SLC12A2: variants seen among roughly 807,000 people sequenced by gnomAD.
SLC12A2 encodes the protein Na-K-2Cl cotransporter 1.
SLC12A2 carries 67 observed loss-of-function variants against 136.3 expected under a neutral mutation model. The observed-to-expected ratio is 0.49, with a 90% CI of 0.40 to 0.60. The LOEUF (loss-of-function observed/expected upper bound fraction) is 0.60. Ranked by LOEUF, SLC12A2 falls within the 20% of genes least tolerant of loss-of-function variation. The pLI, the probability that SLC12A2 is intolerant of heterozygous loss-of-function variation, is 0.00. For synonymous variants in SLC12A2, 619 were observed against 562.9 expected, an observed-to-expected ratio of 1.10 and a Z score of -1.41; for missense variants, 1,322 against 1,534.7, an observed-to-expected ratio of 0.86 and a Z score of 2.32.
At position 128,189,487 on chromosome 5, in the gene SLC12A2, T is replaced by C. The variant is rs977218278; in HGVS notation, c.*2856T>C. The C allele has an allele frequency of 3.3e-5, 5 of 152,624 alleles. No homozygotes were observed. The highest frequency in any genetic ancestry group is 1.5e-5 in the Non-Finnish European group (1 of 68,024). 9.5% of individuals were successfully genotyped at this position (152,624 alleles called of 1,614,324 possible). A position where few individuals can be genotyped will look rare whatever the true frequency, so the allele number is the denominator to read the frequency against. On this transcript the variant is annotated 3_prime_UTR_variant, in exon 27 of 27. Coordinates refer to ENST00000262461, the MANE Select transcript of SLC12A2 (RefSeq NM_001046.3). ...TCTGACATTACATATTTTTTAAGAC[T>C]ATGGAAATAATTTAAAGATTTAAGC...
chr5:128,140,350 A>G (rs1762322725), intron 9 of SLC12A2, among the ~76,000 whole-genome samples: 1 of 152,170 alleles, frequency 6.6e-6, no homozygotes, highest in Non-Finnish European at 1.5e-5. Flanking sequence ...TAGAATTCAC[A>G]CACAAATCTC....
At chr5:128,108,108 CT>C (rs1761013879) in intron 1 of SLC12A2, among the ~76,000 whole-genome samples, 1 of 151,792 alleles carries the variant, frequency 6.6e-6, no homozygotes, top group Non-Finnish European at 1.5e-5. Flanking sequence ...TTAATGGTTT[CT>C]GTGTTCATAC....
At chr5:128,097,874 G>A (rs1581054969) in intron 1 of SLC12A2, among the ~76,000 whole-genome samples, 1 of 152,154 alleles carries the variant, frequency 6.6e-6, no homozygotes, top group South Asian at 2.1e-4. Flanking sequence ...ATGGAGGTCA[G>A]TTGGCAACAA....
intron 15 of SLC12A2, among the ~76,000 whole-genome samples, chr5:128,156,282 T>G (rs952928360): frequency 6.6e-6 from 1 of 152,180 alleles, no homozygotes. Context: ...TGTCAAATCC[T>G]TTACTTTTCT....
At chr5:128,173,158 T>C (rs1763436559) in intron 19 of SLC12A2, among the ~76,000 whole-genome samples, 1 of 152,204 alleles carries the variant, frequency 6.6e-6, no homozygotes, top group East Asian at 1.9e-4. Flanking sequence ...TTTAAACTGT[T>C]TTAATCTTCC....
Position 128,123,685 on chromosome 5 carries a change from C to A in SLC12A2, c.1049-7382C>A, listed in dbSNP as rs934637221. Reference sequence around the variant, plus strand: ...ATTGAGTTTTGAGAGGTTCTAGATACAACTACTTTATCAAATAAATGATTT... The same window carrying A: ...ATTGAGTTTTGAGAGGTTCTAGATAAAACTACTTTATCAAATAAATGATTT... On this transcript the variant is annotated intron_variant, in intron 4 of 26. Coordinates refer to ENST00000262461, the MANE Select transcript of SLC12A2 (RefSeq NM_001046.3). Among the ~76,000 whole-genome samples, 4 of 152,136 alleles carry A rather than the reference C, an allele frequency of 2.6e-5. No homozygotes were observed. In the South Asian group the frequency reaches 8.3e-4, roughly 31 times the overall value.
At chr5:128,143,147 CA>C (rs1355000506) in intron 10 of SLC12A2, among the ~76,000 whole-genome samples, 1 of 152,094 alleles carries the variant, frequency 6.6e-6, no homozygotes, top group Non-Finnish European at 1.5e-5. Flanking sequence ...TAGTTTTCAG[CA>C]TATACGTCCT....
At position 128,161,696 on chromosome 5, in the gene SLC12A2, G is replaced by T; in HGVS notation, c.2512G>T (p.Asp838Tyr). Residue 838 changes from aspartate to tyrosine, a missense_variant, in exon 17 of 27, where the codon GAT becomes TAT. By Grantham distance (160) the Asp-to-Tyr change is radical. Coordinates refer to ENST00000262461, the MANE Select transcript of SLC12A2 (RefSeq NM_001046.3). ...RRQAMKEMSI[D>Y]QAKYQRWLIK... ...ACAAGCCATGAAAGAGATGTCCATC[G>T]ATCAAGCCAAATATCAGCGATGGCT... 6.7e-7 allele frequency: 1 copy of T among 1,495,138 alleles called. No homozygotes were observed. Among genetic ancestry groups the T allele is most frequent in the Non-Finnish European group, 8.9e-7 (1 of 1,122,800 alleles). 92.6% of individuals were successfully genotyped at this position (1,495,138 alleles called of 1,614,324 possible).
At chr5:128,180,116 C>T (rs569644278) in intron 22 of SLC12A2, among the ~76,000 whole-genome samples, 13 of 151,382 alleles carry the variant, frequency 8.6e-5, no homozygotes, top group African/African-American at 3.1e-4. Flanking sequence ...ACTACAGGCA[C>T]CTGCCACCAT....
intron 18 of SLC12A2, chr5:128,171,052 C>A (rs1412662439): frequency 6.7e-6 from 1 of 149,350 alleles, no homozygotes; most frequent in Non-Finnish European, 1.5e-5. Flanking sequence ...GCCAAGATTG[C>A]GCCACTGCAC....
intron 1 of SLC12A2, among the ~76,000 whole-genome samples, chr5:128,095,818 G>A (rs1581052981): frequency 6.6e-6 from 1 of 152,276 alleles, no homozygotes; most frequent in East Asian, 1.9e-4. Context: ...GGTTTTTAGA[G>A]TTTTCCTGGT....
Position 128,148,859 on chromosome 5 carries a change from C to G in SLC12A2, c.1987C>G (p.Leu663Val), listed in dbSNP as rs34725111. The G allele has an allele frequency of 6.2e-7, 1 of 1,600,456 alleles. No individual in the cohort carries two copies. Residue 663 changes from leucine (L) to valine (V), a missense_variant, in exon 12 of 27, where the codon CTT (leucine) becomes GTT (valine). Physicochemically the swap from Leu to Val is conservative, Grantham distance 32. Transcript: ENST00000262461. ...CTACATCTTAACATTCTTAATTGCA[C>G]TTGGATTCATCTTAATTGGTTAGTT... ...RGYILTFLIALGFILIAELNV... is the reference protein window; with the variant it reads ...RGYILTFLIAVGFILIAELNV...
At position 128,124,605 on chromosome 5, in the gene SLC12A2, C is replaced by T. The variant is rs149963584; in HGVS notation, c.1049-6462C>T. On this transcript the variant is annotated intron_variant, in intron 4 of 26. Transcript: ENST00000262461. Reference sequence around the variant, plus strand: ...TATGGGAGAAGGGATGCAGAGCTTCCATGACCTCTCCAAGTGCCATCCTCC... The same window carrying T: ...TATGGGAGAAGGGATGCAGAGCTTCTATGACCTCTCCAAGTGCCATCCTCC... Among the ~76,000 whole-genome samples, 6 of 152,284 alleles carry T rather than the reference C, an allele frequency of 3.9e-5. No individual in the cohort carries two copies. The East Asian group carries it at 5.8e-4, about 15-fold the overall frequency.
intron 4 of SLC12A2, among the ~76,000 whole-genome samples, chr5:128,118,898 T>G (rs1761451704): frequency 6.6e-6 from 1 of 152,140 alleles, no homozygotes; most frequent in Admixed American, 6.5e-5. Context: ...CATAGGGTGA[T>G]GACAGAAAAT....
chr5:128,118,951 C>G (rs1026505052), intron 4 of SLC12A2, among the ~76,000 whole-genome samples: 1 of 151,974 alleles, frequency 6.6e-6, no homozygotes, highest in African/African-American at 2.4e-5. Flanking sequence ...CCTTCTTATT[C>G]AAGGCTCGAA....
At chr5:128,174,223 G>A (rs1379614223) in intron 19 of SLC12A2, among the ~76,000 whole-genome samples, 1 of 152,022 alleles carries the variant, frequency 6.6e-6, no homozygotes, top group East Asian at 1.9e-4. Flanking sequence ...GTTGATTTTG[G>A]AATATTTGCA....
chr5:128,170,626 C>T (rs1271403301), intron 18 of SLC12A2: 1 of 152,048 alleles, frequency 6.6e-6, no homozygotes, highest in Non-Finnish European at 1.5e-5. Context: ...AAAGTTAAGC[C>T]TGTTACCACT....
intron 1 of SLC12A2, among the ~76,000 whole-genome samples, chr5:128,089,191 G>C (rs1015047594): frequency 6.8e-6 from 1 of 146,184 alleles, no homozygotes; most frequent in Non-Finnish European, 1.5e-5. Context: ...AAAAAAGAAA[G>C]AAACACAAGA....
rs529112896 is a variant in SLC12A2 at position 128,113,056 on chromosome 5, T to G, written c.876+123T>G. On this transcript the variant is annotated intron_variant, in intron 2 of 26. Coordinates refer to ENST00000262461, the MANE Select transcript of SLC12A2 (RefSeq NM_001046.3). ...CTCTATGTTAACTGTCTTATCTGAG[T>G]GCTGTGGAAAACCAAATTAATAGCT... 8.1e-5 allele frequency: 67 copies of G among 823,202 alleles called. No homozygotes were observed. The African/African-American group carries it at 1.0e-3, about 13-fold the overall frequency. The allele number at this position is 823,202 out of a possible 1,614,324, so 51.0% of individuals were successfully genotyped here.
Sources: allele counts gnomAD v4.1 joint callset (sites outside exome capture counted in the v4.1 genomes callset), GRCh38; gene constraint gnomAD v4.1.1; transcripts MANE v1.5; gene names NCBI Gene and HGNC (gene_info 2026-07-23, HGNC 2026-07-21).